Variants in CCSER1 observed in about 807,000 individuals in gnomAD.
CCSER1 encodes coiled-coil serine rich protein 1.
In CCSER1, 41 loss-of-function variants were observed where a neutral mutation model predicts 82.0. The observed-to-expected ratio is 0.50, with a 90% CI of 0.39 to 0.65. CCSER1 has a LOEUF of 0.65. Among genes scored for constraint, CCSER1 ranks in the 30% least tolerant of loss-of-function variants. CCSER1 has a pLI of 0.00. For synonymous variants in CCSER1, 414 were observed against 383.9 expected, an observed-to-expected ratio of 1.08 and a Z score of -0.92; for missense variants, 1,119 against 1,064.2, an observed-to-expected ratio of 1.05 and a Z score of -0.72.
rs573042218 is a variant in CCSER1, at chr4:91,050,543, A to C, written c.2173-35407A>C. Among the ~76,000 whole-genome samples the C allele has an allele frequency of 9.2e-5, 14 of 152,310 alleles. No homozygotes were observed. The East Asian group carries it at 2.7e-3, about 29-fold the overall frequency. On this transcript the variant is annotated intron_variant, in intron 9 of 10. Coordinates refer to ENST00000509176, the MANE Select transcript of CCSER1 (RefSeq NM_001145065.2). ...GAAATAATGCCTTTCCGTGTCACAA[A>C]TCCATTGTATTGATAACATAAATTT...
chr4:90,933,078 G>GAAAGA (rs1311308019), intron 9 of CCSER1, among the ~76,000 whole-genome samples: 4 of 105,824 alleles, frequency 3.8e-5, no homozygotes, highest in South Asian at 2.7e-4. Context: ...AGAAAAGAAA[G>GAAAGA]AAAGAAAAGA....
chr4:90,307,548 A>G (rs1734530589), intron 1 of CCSER1, among the ~76,000 whole-genome samples: 1 of 151,804 alleles, frequency 6.6e-6, no homozygotes, highest in Non-Finnish European at 1.5e-5. Flanking sequence ...TACCTATTGT[A>G]AATGACGAGT....
chr4:90,590,486 A>G (rs1467787389), intron 5 of CCSER1, among the ~76,000 whole-genome samples: 2 of 152,018 alleles, frequency 1.3e-5, no homozygotes, highest in African/African-American at 4.8e-5. Flanking sequence ...AGGCTGAAGC[A>G]GGAGAATCAC....
At chr4:91,560,719 T>TTCAC (rs1467357671) in intron 10 of CCSER1, among the ~76,000 whole-genome samples, 1 of 151,458 alleles carries the variant, frequency 6.6e-6, no homozygotes, top group Non-Finnish European at 1.5e-5. Context: ...TGGCAAATTA[T>TTCAC]TCACTCATAT....
At chr4:90,570,859 A>G (rs984601672) in intron 5 of CCSER1, among the ~76,000 whole-genome samples, 2 of 152,110 alleles carry the variant, frequency 1.3e-5, no homozygotes, top group African/African-American at 2.4e-5. Context: ...AAACAAAAAT[A>G]TATTGTGTTT....
intron 3 of CCSER1, among the ~76,000 whole-genome samples, chr4:90,317,495 G>T (rs1452221778): frequency 6.6e-6 from 1 of 152,162 alleles, no homozygotes; most frequent in Non-Finnish European, 1.5e-5. Context: ...GGTGGCCAGT[G>T]CCTGTAATCC....
chr4:90,446,291 T>G (rs1439647746), intron 4 of CCSER1, among the ~76,000 whole-genome samples: 1 of 152,156 alleles, frequency 6.6e-6, no homozygotes, highest in African/African-American at 2.4e-5. Flanking sequence ...GGGGAGATAA[T>G]TGAATATTTT....
At chr4:90,578,008 G>A (rs1780955018) in intron 5 of CCSER1, among the ~76,000 whole-genome samples, 1 of 152,068 alleles carries the variant, frequency 6.6e-6, no homozygotes, top group Admixed American at 6.6e-5. Flanking sequence ...TGATACAGTA[G>A]AAACTGAACT....
At chr4:91,106,414 A>G (rs1725618553) in intron 10 of CCSER1, among the ~76,000 whole-genome samples, 1 of 152,206 alleles carries the variant, frequency 6.6e-6, no homozygotes. Context: ...AGAGAAATTA[A>G]TAGACATACC....
chr4:91,200,665 A>C (rs1255550563), intron 10 of CCSER1, among the ~76,000 whole-genome samples: 3 of 152,018 alleles, frequency 2.0e-5, no homozygotes, highest in African/African-American at 7.2e-5. Flanking sequence ...TAATTTTACT[A>C]TCCTGATGTG....
At chr4:90,249,933 A>G (rs1045391996) in intron 1 of CCSER1, among the ~76,000 whole-genome samples, 1 of 152,080 alleles carries the variant, frequency 6.6e-6, no homozygotes, top group Admixed American at 6.6e-5. Flanking sequence ...TATTATAACC[A>G]TCCTAGTGGG....
chr4:90,435,319 A>C (rs1276100465), intron 4 of CCSER1, among the ~76,000 whole-genome samples: 1 of 152,094 alleles, frequency 6.6e-6, no homozygotes, highest in Non-Finnish European at 1.5e-5. Context: ...TTTCATATTG[A>C]TATTGGGCCA....
chr4:90,379,746 T>C (rs1048664641), intron 3 of CCSER1, among the ~76,000 whole-genome samples: 1 of 152,188 alleles, frequency 6.6e-6, no homozygotes, highest in Non-Finnish European at 1.5e-5. Context: ...GTTAGTCTGT[T>C]CTCACATTGC....
chr4:91,132,501 A>G (rs1257782183), intron 10 of CCSER1, among the ~76,000 whole-genome samples: 1 of 152,222 alleles, frequency 6.6e-6, no homozygotes, highest in Non-Finnish European at 1.5e-5. Flanking sequence ...TTAAAATGAG[A>G]TCTGAAGAAT....
intron 10 of CCSER1, among the ~76,000 whole-genome samples, chr4:91,372,550 A>T (rs765056222): frequency 1.3e-5 from 2 of 151,864 alleles, no homozygotes; most frequent in Non-Finnish European, 1.5e-5. Flanking sequence ...TTTGAAAAAA[A>T]AGCCCTCATT....
chr4:90,667,696 T>A (rs1732060826), intron 6 of CCSER1, among the ~76,000 whole-genome samples: 1 of 152,192 alleles, frequency 6.6e-6, no homozygotes, highest in Non-Finnish European at 1.5e-5. Flanking sequence ...GGTTGCATAG[T>A]ATCCCATGGT....
At chr4:91,392,005 A>G (rs1483165929) in intron 10 of CCSER1, among the ~76,000 whole-genome samples, 1 of 152,096 alleles carries the variant, frequency 6.6e-6, no homozygotes, top group African/African-American at 2.4e-5. Context: ...ATATAGACAT[A>G]TTATTCATAT....
At chr4:91,380,323 A>G (rs1297547979) in intron 10 of CCSER1, among the ~76,000 whole-genome samples, 1 of 151,960 alleles carries the variant, frequency 6.6e-6, no homozygotes, top group African/African-American at 2.4e-5. Context: ...TGTCTCATTG[A>G]TCTGTCTAAT....
chr4:91,173,690 A>G (rs539332511), intron 10 of CCSER1, among the ~76,000 whole-genome samples: 36 of 151,892 alleles, frequency 2.4e-4, no homozygotes, highest in Non-Finnish European at 4.3e-4. Context: ...TATGCATGTC[A>G]CTACTCTCTC....
Sources: gnomAD v4.1 joint callset for allele counts (sites outside exome capture counted in the v4.1 genomes callset) on GRCh38, gnomAD v4.1.1 for gene constraint, MANE v1.5 for transcripts, NCBI Gene and HGNC (gene_info 2026-07-23, HGNC 2026-07-21) for gene names.